PCDH15: variants seen among roughly 807,000 people sequenced by gnomAD.
The protein encoded by PCDH15 is protocadherin related 15.
Under a neutral mutation model 178.5 loss-of-function variants are expected in PCDH15, and 129 were observed. That is an observed-to-expected ratio of 0.72 (90% confidence interval 0.63 to 0.84). The LOEUF (loss-of-function observed/expected upper bound fraction) is 0.84. Ranked by LOEUF, PCDH15 falls within the 40% of genes least tolerant of loss-of-function variation. The probability of loss-of-function intolerance (pLI) is 0.00; values close to 1 mark genes in which losing one functional copy is unlikely to be tolerated. For synonymous variants in PCDH15, 800 were observed against 732.0 expected (o/e 1.09, Z -1.50); for missense variants, 2,230 against 2,099.9 (o/e 1.06, Z -1.21).
At chr10:55,620,666 G>A (rs1253195720) in intron 2 of PCDH15, among the ~76,000 whole-genome samples, 1 of 151,782 alleles carries the variant, frequency 6.6e-6, no homozygotes, top group Non-Finnish European at 1.5e-5. Context: ...GTAGTAGAAT[G>A]TTTCCTAGAG....
intron 2 of PCDH15, among the ~76,000 whole-genome samples, chr10:55,157,351 TTGG>T (rs2132108476): frequency 6.7e-6 from 1 of 149,224 alleles, no homozygotes; most frequent in East Asian, 2.0e-4. Flanking sequence ...TTTTACACTG[TTGG>T]TGGGACTGTA....
intron 2 of PCDH15, among the ~76,000 whole-genome samples, chr10:54,556,453 C>T (rs1590088329): frequency 1.3e-5 from 2 of 151,992 alleles, no homozygotes; most frequent in South Asian, 4.1e-4. Context: ...CAGGTTGATT[C>T]CAACTACTAC....
At chr10:54,673,863 A>G (rs534937703) in intron 1 of PCDH15, among the ~76,000 whole-genome samples, 9 of 152,308 alleles carry the variant, frequency 5.9e-5, no homozygotes, top group African/African-American at 1.9e-4. Flanking sequence ...TTTAATATGT[A>G]CTTTTTAACA....
upstream of PCDH15, among the ~76,000 whole-genome samples, chr10:55,319,942 G>A (rs1428794851): frequency 1.3e-5 from 2 of 152,224 alleles, no homozygotes; most frequent in African/African-American, 4.8e-5. Context: ...GAACAGAGCA[G>A]GGTGATCTTG....
At chr10:54,566,395 T>C (rs919164374) in intron 2 of PCDH15, among the ~76,000 whole-genome samples, 3 of 152,196 alleles carry the variant, frequency 2.0e-5, no homozygotes, top group Non-Finnish European at 4.4e-5. Flanking sequence ...TTTTACACTC[T>C]GTGGCTTTGA....
intron 18 of PCDH15, among the ~76,000 whole-genome samples, chr10:54,062,462 TTAATA>T (rs1375031698): frequency 1.3e-5 from 2 of 152,058 alleles, no homozygotes; most frequent in Admixed American, 6.5e-5. Context: ...TTTAGTGAAA[TTAATA>T]TATGATATAA....
intron 11 of PCDH15, among the ~76,000 whole-genome samples, chr10:54,193,029 T>G (rs898889557): frequency 9.9e-5 from 15 of 152,162 alleles, no homozygotes; most frequent in African/African-American, 3.6e-4. Flanking sequence ...CAAGCCAAGA[T>G]CTGTCTAAAT....
intron 1 of PCDH15, among the ~76,000 whole-genome samples, chr10:55,188,364 T>C (rs1000054004): frequency 2.0e-5 from 3 of 151,986 alleles, no homozygotes; most frequent in African/African-American, 7.2e-5. Flanking sequence ...ACTCTATTTC[T>C]TAAATATCAT....
intron 2 of PCDH15, among the ~76,000 whole-genome samples, chr10:54,964,985 T>C (rs1016097875): frequency 6.6e-6 from 1 of 152,216 alleles, no homozygotes; most frequent in Non-Finnish European, 1.5e-5. Flanking sequence ...TGTAGAATAC[T>C]TGAAGTACCA....
chr10:54,503,248 T>TGG (rs2080870071), intron 3 of PCDH15, among the ~76,000 whole-genome samples: 1 of 120,902 alleles, frequency 8.3e-6, no homozygotes. Context: ...TGTGTGTGTG[T>TGG]GTGTGTGTGT....
chr10:55,164,794 T>G (rs1229907388), intron 2 of PCDH15, among the ~76,000 whole-genome samples: 1 of 152,122 alleles, frequency 6.6e-6, no homozygotes, highest in East Asian at 1.9e-4. Context: ...CAAAATGGCC[T>G]CATCATTATT....
At chr10:54,486,367 A>G (rs2079096287) in intron 3 of PCDH15, 4 of 152,088 alleles carry the variant, frequency 2.6e-5, no homozygotes, top group South Asian at 2.1e-4. Flanking sequence ...ATATTAGAGT[A>G]TGGATATTTG....
intron 23 of PCDH15, among the ~76,000 whole-genome samples, chr10:53,959,181 A>G (rs957796763): frequency 1.4e-5 from 2 of 147,574 alleles, no homozygotes; most frequent in Admixed American, 6.8e-5. Context: ...TATAGTGTGT[A>G]TATATATATA....
chr10:55,165,660 G>GT (rs955037322), intron 2 of PCDH15, among the ~76,000 whole-genome samples: 10 of 151,920 alleles, frequency 6.6e-5, no homozygotes, highest in Non-Finnish European at 1.2e-4. Context: ...ATGAAAGAGA[G>GT]TTTTTTCATT....
intron 2 of PCDH15, among the ~76,000 whole-genome samples, chr10:55,547,910 T>TGAGAGAGAGAGAGAGAGAGA (rs763752387): frequency 1.3e-4 from 7 of 54,494 alleles, no homozygotes; most frequent in Non-Finnish European, 2.4e-4. Flanking sequence ...TGTGTGTGTG[T>TGAGAGAGAGAGAGAGAGAGA]GAGAGAGAGA....
chr10:54,142,831 A>G (rs189858711), intron 14 of PCDH15, among the ~76,000 whole-genome samples: 1 of 152,306 alleles, frequency 6.6e-6, no homozygotes, highest in Non-Finnish European at 1.5e-5. Flanking sequence ...GAGAGACAGA[A>G]TAAGTTGGCC....
At chr10:53,895,869 C>G (rs2081913415) in intron 26 of PCDH15, among the ~76,000 whole-genome samples, 1 of 152,088 alleles carries the variant, frequency 6.6e-6, no homozygotes, top group African/African-American at 2.4e-5. Context: ...TATTTTCTAG[C>G]AGGATTCTAC....
At chr10:55,317,230 A>C (rs1228123929) in intron 1 of PCDH15, among the ~76,000 whole-genome samples, 2 of 152,216 alleles carry the variant, frequency 1.3e-5, no homozygotes, top group Non-Finnish European at 2.9e-5. Flanking sequence ...GTTAGTATAC[A>C]CAAAGAACTT....
chr10:54,295,831 G>A (rs181919589), intron 8 of PCDH15, among the ~76,000 whole-genome samples: 13 of 152,032 alleles, frequency 8.6e-5, no homozygotes, highest in African/African-American at 1.2e-4. Context: ...TCTAATTATC[G>A]GGCACCTGTC....
Sources: gnomAD v4.1 joint callset for allele counts (sites outside exome capture counted in the v4.1 genomes callset) on GRCh38, gnomAD v4.1.1 for gene constraint, MANE v1.5 for transcripts, NCBI Gene and HGNC (gene_info 2026-07-23, HGNC 2026-07-21) for gene names.